The following GPC6 variants were observed in gnomAD, a reference collection of about 807,000 sequenced individuals.
The protein encoded by GPC6 is glypican-6.
A neutral mutation model predicts 55.2 loss-of-function variants in GPC6; 14 were observed. That is an observed-to-expected ratio of 0.25 (90% confidence interval 0.17 to 0.40). GPC6 has a LOEUF of 0.40. Among genes scored for constraint, GPC6 ranks in the 10% least tolerant of loss-of-function variants. GPC6 has a pLI of 1.00. For synonymous variants in GPC6, 278 were observed against 259.6 expected (o/e 1.07, Z -0.68); for missense variants, 641 against 708.5 (o/e 0.90, Z 1.08).
chr13:93,490,083 A>C (rs945393743), intron 1 of GPC6, among the ~76,000 whole-genome samples: 1 of 151,422 alleles, frequency 6.6e-6, no homozygotes, highest in Non-Finnish European at 1.5e-5. Flanking sequence ...TTGCCCATTC[A>C]GTATGATATT....
intron 2 of GPC6, among the ~76,000 whole-genome samples, chr13:93,761,861 T>G (rs1884966199): frequency 6.6e-6 from 1 of 152,344 alleles, no homozygotes; most frequent in Middle Eastern, 3.4e-3. Context: ...ACTATCATTT[T>G]TTTGTGATGA....
intron 3 of GPC6, among the ~76,000 whole-genome samples, chr13:94,005,921 T>A (rs1404171411): frequency 6.6e-6 from 1 of 152,172 alleles, no homozygotes; most frequent in Non-Finnish European, 1.5e-5. Context: ...TTTAATACTC[T>A]CTGCTTTAAA....
At chr13:93,324,798 G>C (rs962148102) in intron 1 of GPC6, among the ~76,000 whole-genome samples, 3 of 151,872 alleles carry the variant, frequency 2.0e-5, no homozygotes, top group African/African-American at 7.3e-5. Context: ...TCTGGAAAAG[G>C]CATTGAAATG....
chr13:93,526,155 G>T (rs1881638853), intron 1 of GPC6, among the ~76,000 whole-genome samples: 1 of 152,034 alleles, frequency 6.6e-6, no homozygotes, highest in Non-Finnish European at 1.5e-5. Flanking sequence ...GCGATGAAAT[G>T]AGCCTAGAAC....
chr13:93,484,433 T>A (rs559506216), intron 1 of GPC6, among the ~76,000 whole-genome samples: 1 of 152,294 alleles, frequency 6.6e-6, no homozygotes, highest in South Asian at 2.1e-4. Flanking sequence ...CTGTATATTC[T>A]GAAAGATTTT....
At chr13:93,786,645 C>T (rs138789026) in intron 2 of GPC6, among the ~76,000 whole-genome samples, 3 of 150,056 alleles carry the variant, frequency 2.0e-5, no homozygotes, top group African/African-American at 7.3e-5. Flanking sequence ...CGACTGAAAA[C>T]TTGTTTCAGT....
intron 2 of GPC6, among the ~76,000 whole-genome samples, chr13:93,630,155 TTGAC>T (rs1447718451): frequency 6.6e-6 from 1 of 152,234 alleles, no homozygotes; most frequent in Non-Finnish European, 1.5e-5. Context: ...ATTAGCCTAA[TTGAC>T]TGTGCATATG....
intron 1 of GPC6, among the ~76,000 whole-genome samples, chr13:93,427,372 A>C (rs1273437510): frequency 6.6e-6 from 1 of 151,754 alleles, no homozygotes. Context: ...TACAGTAACC[A>C]AAACAGCATG....
chr13:93,427,372 A>G (rs1273437510), intron 1 of GPC6, among the ~76,000 whole-genome samples: 2 of 151,754 alleles, frequency 1.3e-5, no homozygotes, highest in Non-Finnish European at 2.9e-5. Context: ...TACAGTAACC[A>G]AAACAGCATG....
intron 4 of GPC6, among the ~76,000 whole-genome samples, chr13:94,163,969 TTGAG>T (rs1888260803): frequency 6.6e-6 from 1 of 152,120 alleles, no homozygotes; most frequent in Non-Finnish European, 1.5e-5. Flanking sequence ...TGACCAGTGA[TTGAG>T]TGTGAAGCAA....
intron 2 of GPC6, among the ~76,000 whole-genome samples, chr13:93,554,158 AGAG>A (rs1037736095): frequency 5.2e-5 from 7 of 133,760 alleles, no homozygotes; most frequent in African/African-American, 1.8e-4. Flanking sequence ...AAAAAAAAAA[AGAG>A]AGAGAGAGAG....
At chr13:93,971,127 G>A (rs957690934) in intron 3 of GPC6, among the ~76,000 whole-genome samples, 3 of 152,252 alleles carry the variant, frequency 2.0e-5, no homozygotes, top group African/African-American at 7.2e-5. Context: ...AATAAATCAA[G>A]TATTTCTGCC....
At chr13:94,277,870 C>T (rs956121232) in intron 4 of GPC6, among the ~76,000 whole-genome samples, 13 of 152,102 alleles carry the variant, frequency 8.5e-5, no homozygotes, top group Non-Finnish European at 1.5e-5. Flanking sequence ...AGCATGATGC[C>T]TCCAGCTTTG....
chr13:93,250,242 CAATT>C (rs1876738977), intron 1 of GPC6, among the ~76,000 whole-genome samples: 1 of 152,176 alleles, frequency 6.6e-6, no homozygotes, highest in African/African-American at 2.4e-5. Context: ...ACATGCTTGT[CAATT>C]AACACAGAGT....
chr13:93,974,422 C>T (rs1437921549), intron 3 of GPC6, among the ~76,000 whole-genome samples: 1 of 152,126 alleles, frequency 6.6e-6, no homozygotes, highest in Non-Finnish European at 1.5e-5. Context: ...CTTACACCTA[C>T]TATAATGTTA....
At chr13:93,650,721 T>G (rs1880373859) in intron 2 of GPC6, among the ~76,000 whole-genome samples, 1 of 152,202 alleles carries the variant, frequency 6.6e-6, no homozygotes, top group African/African-American at 2.4e-5. Context: ...TTAACATTCC[T>G]AGTCAATTCA....
chr13:93,429,690 C>G (rs371939843), intron 1 of GPC6, among the ~76,000 whole-genome samples: 1 of 152,066 alleles, frequency 6.6e-6, no homozygotes, highest in Non-Finnish European at 1.5e-5. Context: ...GGACAAGCAA[C>G]GACTTTTTAG....
intron 1 of GPC6, among the ~76,000 whole-genome samples, chr13:93,349,363 T>A (rs1476824071): frequency 6.6e-6 from 1 of 152,038 alleles, no homozygotes; most frequent in African/African-American, 2.4e-5. Flanking sequence ...TTCAGAAAAA[T>A]TGATTTTGCT....
At chr13:94,196,334 C>G (rs1357242944) in intron 4 of GPC6, among the ~76,000 whole-genome samples, 1 of 151,970 alleles carries the variant, frequency 6.6e-6, no homozygotes, top group African/African-American at 2.4e-5. Flanking sequence ...AGCCATCCTC[C>G]TTTTGAAAAC....
Sources: gnomAD v4.1 joint callset for allele counts (sites outside exome capture counted in the v4.1 genomes callset) on GRCh38, gnomAD v4.1.1 for gene constraint, MANE v1.5 for transcripts, NCBI Gene and HGNC (gene_info 2026-07-23, HGNC 2026-07-21) for gene names.